The following PHLDB3 variants were observed in gnomAD, a reference collection of about 807,000 sequenced individuals.
PHLDB3 encodes pleckstrin homology-like domain family B member 3.
PHLDB3 carries 86 observed loss-of-function variants against 85.7 expected under a neutral mutation model. That is an observed-to-expected ratio of 1.00 (90% CI 0.84 to 1.20). The LOEUF (loss-of-function observed/expected upper bound fraction) is 1.20. PHLDB3 is among the 50% of genes most tolerant of loss of function. The pLI, the probability that PHLDB3 is intolerant of heterozygous loss-of-function variation, is 0.00. For missense variants in PHLDB3, 995 were observed against 873.0 expected (o/e 1.14, Z -1.76); for synonymous variants, 376 against 349.8 (o/e 1.07, Z -0.83).
At chr19:43,487,242 G>T in intron 9 of PHLDB3, 119 bp from the exon 10 acceptor site, 1 of 811,500 alleles carries the variant, frequency 1.2e-6, no homozygotes, top group Non-Finnish European at 2.0e-6. Context: ...CTGTCCATGT[G>T]CTGAGTGAAA....
At chr19:43,501,667 A>G (rs1050278954) in intron 4 of PHLDB3, 67 bp downstream of exon 4, 267 of 1,547,582 alleles carry the variant, frequency 1.7e-4, no homozygotes, top group Non-Finnish European at 2.3e-4. Context: ...GCAGGTGGCT[A>G]GGAGCACACC....
At chr19:43,475,607 A>C in intron 15 of PHLDB3, 63 bp from the exon 16 acceptor site, 1 of 1,601,150 alleles carries the variant, frequency 6.2e-7, no homozygotes. Context: ...CTGGGTGCGA[A>C]CCCAGCCTTG....
In PHLDB3 at chr19:43,497,182, C is replaced by G; in HGVS notation, c.761G>C (p.Ser254Thr). 6.4e-7 allele frequency: 1 copy of G among 1,566,532 alleles called. No individual in the cohort carries two copies. ...ESRQEEEDRD[S>T]PGPQVPDPKV... ...GGGGTCTGGCACCTGGGGCCCAGGG[C>G]TGTCCCGATCCTCCTCCTCCTGCCG... is the stretch of plus-strand genomic sequence containing the variant. Residue 254 changes from serine (S) to threonine (T), a missense_variant, in exon 6 of 16, where the codon AGC (serine) becomes ACC (threonine). By Grantham distance (58) the Ser-to-Thr change is moderately conservative. Transcript: ENST00000292140.
chr19:43,501,373 C>T (rs1228024065), intron 4 of PHLDB3, among the ~76,000 whole-genome samples: 2 of 151,768 alleles, frequency 1.3e-5, no homozygotes, highest in Admixed American at 6.6e-5. Flanking sequence ...TAAGCAGAGA[C>T]GGGGTTTCGC....
At chr19:43,476,204 C>T (rs759459493) in intron 15 of PHLDB3, among the ~76,000 whole-genome samples, 42 of 152,180 alleles carry the variant, frequency 2.8e-4, no homozygotes, top group Admixed American at 1.2e-3. Context: ...CCCCTTGTAC[C>T]TGGGAAAAGT....
At chr19:43,487,589 A>AC (rs913944027) in intron 9 of PHLDB3, among the ~76,000 whole-genome samples, 3 of 149,280 alleles carry the variant, frequency 2.0e-5, no homozygotes, top group African/African-American at 4.9e-5. Context: ...AAAAAAAAAA[A>AC]AAACACAGAA....
At chr19:43,483,098 G>A (rs1055149814) in intron 13 of PHLDB3, among the ~76,000 whole-genome samples, 3 of 152,122 alleles carry the variant, frequency 2.0e-5, no homozygotes, top group Admixed American at 6.6e-5. Flanking sequence ...ATGAATAAGG[G>A]AAGGACAAAT....
At position 43,501,724 on chromosome 19, in the gene PHLDB3, CCAAA is replaced by C. The variant is rs10562543; in HGVS notation, c.534+6_534+9del. The C allele has an allele frequency of 0.18, 292,474 of 1,582,572 alleles. 28,141 individuals carry two copies. The highest frequency in any genetic ancestry group is 0.2 in the Non-Finnish European group (229,306 of 1,170,966). ...ACACTGCTGATGAAGACCCGGTGAGCCAAACAGACCTGTTCCCGCTGCTGGCGGC... is the reference window on the plus strand; with the variant it reads ...ACACTGCTGATGAAGACCCGGTGAGCCAGACCTGTTCCCGCTGCTGGCGGC... On this transcript the variant is annotated splice_donor_region_variant and intron_variant, in intron 4 of 15. Coordinates refer to ENST00000292140, the MANE Select transcript of PHLDB3 (RefSeq NM_198850.4).
chr19:43,479,581 G>T lies in PHLDB3; in HGVS notation c.1498C>A (p.Pro500Thr). 1 of 1,499,526 alleles carries T rather than the reference G, an allele frequency of 6.7e-7. No individual in the cohort carries two copies. Among genetic ancestry groups the T allele is most frequent in the Non-Finnish European group, 9.1e-7 (1 of 1,102,860 alleles). 92.9% of individuals were successfully genotyped at this position (1,499,526 alleles called of 1,614,324 possible). The change falls in exon 14 of 16, where the codon CCA becomes ACA. Residue 500 changes from proline (P) to threonine (T), a missense_variant. By Grantham distance (38) the Pro-to-Thr change is conservative. Transcript: ENST00000292140. ...AVPAITAPPT[P>T]PHPPGPRILD... is the part of the protein sequence containing the mutation. ...ATTCGCGGGCCTGGAGGGTGGGGTG[G>T]GGTGGGTGGGGCCTGGGGAGCAAAG...
intron 6 of PHLDB3, 31 bp downstream of exon 6, chr19:43,497,087 A>AG (rs997993394): frequency 4.3e-6 from 6 of 1,409,434 alleles, no homozygotes; most frequent in East Asian, 2.7e-5. Flanking sequence ...AGGAGCAGCA[A>AG]GGGGGGCAGC....
At chr19:43,494,289 C>A (rs111520384) in intron 9 of PHLDB3, among the ~76,000 whole-genome samples, 3,696 of 152,206 alleles carry the variant, frequency 0.024, 175 homozygotes, top group African/African-American at 0.084. Flanking sequence ...GGATTACAGG[C>A]ATGAGCCACC....
intron 9 of PHLDB3, among the ~76,000 whole-genome samples, chr19:43,487,591 A>AAAAAAAAAAAAAACAC (rs1167897767): frequency 2.6e-5 from 3 of 115,760 alleles, no homozygotes; most frequent in African/African-American, 6.3e-5. Flanking sequence ...AAAAAAAAAA[A>AAAAAAAAAAAAAACAC]ACACAGAAAA....
At chr19:43,502,389 A>G in intron 2 of PHLDB3, 106 bp from the exon 3 acceptor site, 2 of 1,084,684 alleles carry the variant, frequency 1.8e-6, no homozygotes, top group Non-Finnish European at 2.6e-6. Context: ...TCAGTCCATC[A>G]GTCCACTTAC....
intron 4 of PHLDB3, 127 bp downstream of exon 4, chr19:43,501,603 ACTCT>A: frequency 1.4e-6 from 2 of 1,451,244 alleles, no homozygotes; most frequent in South Asian, 2.8e-5. Context: ...TCTGCCCCTC[ACTCT>A]CTCAGGAGCC....
intron 2 of PHLDB3, among the ~76,000 whole-genome samples, chr19:43,502,860 G>A (rs2599447): frequency 0.68 from 103,378 of 151,796 alleles, 35,150 homozygotes; most frequent in East Asian, 0.73. Context: ...GGGTGAGCAG[G>A]TGTAAAGCCG....
At chr19:43,486,719 G>A (rs1472093506) in intron 11 of PHLDB3, 23 bp from the exon 12 acceptor site, 25 of 1,613,586 alleles carry the variant, frequency 1.5e-5, no homozygotes, top group Non-Finnish European at 2.0e-5. Context: ...AACACAGACG[G>A]GGTGGGTTAC....
chr19:43,491,101 A>G (rs1232102908), intron 9 of PHLDB3, among the ~76,000 whole-genome samples: 1 of 152,140 alleles, frequency 6.6e-6, no homozygotes, highest in African/African-American at 2.4e-5. Context: ...TCAGGTGACA[A>G]CTCCATAGGA....
intron 5 of PHLDB3, among the ~76,000 whole-genome samples, 165 bp downstream of exon 5, chr19:43,497,583 G>A (rs920569304): frequency 6.6e-6 from 1 of 152,060 alleles, no homozygotes; most frequent in Non-Finnish European, 1.5e-5. Context: ...GTGGTGGTGC[G>A]CACCTGTAGT....
rs1971424717 is a variant in PHLDB3, at chr19:43,495,259, A to C, written c.1032T>G (p.Thr344=). Residue 344 remains threonine, a synonymous_variant, in exon 8 of 16, where the codon ACT becomes ACG. Coordinates refer to ENST00000292140, the MANE Select transcript of PHLDB3 (RefSeq NM_198850.4). Reference sequence around the variant, plus strand: ...GAGGCATACAAAATCCCCATACCTTAGTGAGGGCCGGGTTGGGCTCAGAGA... The same window carrying C: ...GAGGCATACAAAATCCCCATACCTTCGTGAGGGCCGGGTTGGGCTCAGAGA... ...GDFSEPNPAL[T]KLLFTQKTDR... The C allele has an allele frequency of 6.2e-7, 1 of 1,613,590 alleles. No individual in the cohort carries two copies. The highest frequency in any genetic ancestry group is 8.5e-7 in the Non-Finnish European group (1 of 1,179,696).
Sources: allele counts gnomAD v4.1 joint callset (sites outside exome capture counted in the v4.1 genomes callset), GRCh38; gene constraint gnomAD v4.1.1; transcripts MANE v1.5; gene names NCBI Gene and HGNC (gene_info 2026-07-23, HGNC 2026-07-21).